XDH: variants seen among roughly 807,000 people sequenced by gnomAD.
The protein encoded by XDH is xanthine dehydrogenase/oxidase.
A neutral mutation model predicts 156.1 loss-of-function variants in XDH; 138 were observed. The ratio of observed to expected loss-of-function variants is 0.88; its 90% CI spans 0.77 to 1.02. The LOEUF is 1.02. Among genes scored for constraint, XDH ranks in the 50% least tolerant of loss-of-function variants. The pLI is 0.00. For missense variants in XDH, 1,849 were observed against 1,684.9 expected, an observed-to-expected ratio of 1.10 and a Z score of -1.71; for synonymous variants, 669 against 625.7, an observed-to-expected ratio of 1.07 and a Z score of -1.03.
At position 31,349,817 on chromosome 2, in the gene XDH, G is replaced by T. The variant is rs1558679661; in HGVS notation, c.2838C>A (p.Asn946Lys). Reference protein sequence around the residue: ...GMPAEEVRRKNLYKEGDLTHF... With the variant: ...GMPAEEVRRKKLYKEGDLTHF... ...GTGTCAGGTCCCCTTCTTTGTACAG[G>T]TTTTTTCTCCGCACCTTCCCAAGGA... Residue 946 changes from asparagine (N) to lysine (K), a missense_variant, in exon 26 of 36, where the codon AAC (asparagine) becomes AAA (lysine). By Grantham distance (94) the Asn-to-Lys change is moderately conservative. Coordinates refer to ENST00000379416, the MANE Select transcript of XDH (RefSeq NM_000379.4). The T allele has an allele frequency of 6.2e-7, 1 of 1,614,042 alleles. No individual in the cohort carries two copies. Among genetic ancestry groups the T allele is most frequent in the South Asian group, 1.1e-5 (1 of 91,072 alleles).
chr2:31,393,941 CTTGT>C (rs1431767096), intron 6 of XDH, among the ~76,000 whole-genome samples: 1 of 151,788 alleles, frequency 6.6e-6, no homozygotes, highest in Non-Finnish European at 1.5e-5. Flanking sequence ...ATTTTTCCCT[CTTGT>C]TTATTTTATC....
At position 31,350,076 on chromosome 2, in the gene XDH, A is replaced by G. The variant is rs1428337986; in HGVS notation, c.2779T>C (p.Trp927Arg). The change falls in exon 25 of 36, where the codon TGG becomes CGG. Residue 927 changes from tryptophan (W) to arginine (R), a missense_variant. Coordinates refer to ENST00000379416, the MANE Select transcript of XDH (RefSeq NM_000379.4). ...CAGGTCACTGCAACTTCACTCATCCAGCACTCGGCAATGAGCATCCCCTGG... is the reference window on the plus strand; with the variant it reads ...CAGGTCACTGCAACTTCACTCATCCGGCACTCGGCAATGAGCATCCCCTGG... ...GPQGMLIAECWMSEVAVTCGM... is the reference protein window; with the variant it reads ...GPQGMLIAECRMSEVAVTCGM... 6.2e-7 allele frequency: 1 copy of G among 1,614,210 alleles called. No individual in the cohort carries two copies. Among genetic ancestry groups the G allele is most frequent in the Non-Finnish European group, 8.5e-7 (1 of 1,180,038 alleles).
At chr2:31,392,279 T>C (rs1686787745) in intron 6 of XDH, among the ~76,000 whole-genome samples, 1 of 152,020 alleles carries the variant, frequency 6.6e-6, no homozygotes, top group African/African-American at 2.4e-5. Flanking sequence ...TCTCTATTGA[T>C]TGTCTGTTTT....
chr2:31,385,885 G>A (rs1346445768), intron 9 of XDH, among the ~76,000 whole-genome samples: 7 of 152,114 alleles, frequency 4.6e-5, no homozygotes, highest in Admixed American at 2.6e-4. Flanking sequence ...GGTCAAAAGC[G>A]ACATTTATGG....
chr2:31,351,798 A>T (rs947587544), intron 24 of XDH, among the ~76,000 whole-genome samples: 2 of 152,232 alleles, frequency 1.3e-5, no homozygotes, highest in African/African-American at 2.4e-5. Flanking sequence ...TAGGCTTTCC[A>T]GTTTTTCTCA....
intron 1 of XDH, among the ~76,000 whole-genome samples, chr2:31,411,033 C>T (rs558432973): frequency 7.2e-5 from 11 of 152,152 alleles, no homozygotes; most frequent in African/African-American, 2.2e-4. Context: ...GCCTGTAATA[C>T]CAGCACTTTG....
At chr2:31,344,143 G>A (rs1685217764) in intron 31 of XDH, among the ~76,000 whole-genome samples, 1 of 152,160 alleles carries the variant, frequency 6.6e-6, no homozygotes, top group South Asian at 2.1e-4. Flanking sequence ...AGTTGCAGAA[G>A]TCATACGCTC....
At position 31,367,896 on chromosome 2, in the gene XDH, A is replaced by G. The variant is rs1685963290; in HGVS notation, c.2197+65T>C. On this transcript the variant is annotated intron_variant, in intron 20 of 35. Coordinates refer to ENST00000379416, the MANE Select transcript of XDH (RefSeq NM_000379.4). ...TTCCCTGCTTCAGGGTTCAATGCAT[A>G]TCTCTTGAATTTAATTTGCAAACCA... 5 of 1,467,764 alleles carry G rather than the reference A, an allele frequency of 3.4e-6. No individual in the cohort carries two copies. The Admixed American group carries it at 6.7e-5, about 20-fold the overall frequency. The allele number at this position is 1,467,764 out of a possible 1,614,324, so 90.9% of individuals were successfully genotyped here. A position where few individuals can be genotyped will look rare whatever the true frequency, so the allele number is the denominator to read the frequency against.
chr2:31,373,249 G>A (rs917263032), intron 16 of XDH, among the ~76,000 whole-genome samples: 1 of 152,208 alleles, frequency 6.6e-6, no homozygotes, highest in African/African-American at 2.4e-5. Flanking sequence ...AGGCAGTCAG[G>A]TTCCAGAGTT....
At chr2:31,378,171 GAAGGAAGC>G (rs1303580528) in intron 13 of XDH, among the ~76,000 whole-genome samples, 2,203 of 81,438 alleles carry the variant, frequency 0.027, 30 homozygotes, top group Admixed American at 0.048. Flanking sequence ...AGGAAGGAAG[GAAGGAAGC>G]AAGCAAGCAA....
intron 29 of XDH, 60 bp downstream of exon 29, chr2:31,347,462 T>C (rs1685330282): frequency 5.6e-6 from 9 of 1,610,098 alleles, no homozygotes; most frequent in African/African-American, 1.3e-5. Context: ...CCAGGGAGAC[T>C]CTCCAGGCCC....
chr2:31,343,574 T>TTATATAAGGCATATATATATC (rs1685199792), intron 31 of XDH, among the ~76,000 whole-genome samples: 1 of 96,410 alleles, frequency 1.0e-5, no homozygotes, highest in Non-Finnish European at 2.2e-5. Context: ...ATATATATAT[T>TTATATAAGGCATATATATATC]CAGTGTAATA....
intron 29 of XDH, 57 bp downstream of exon 29, chr2:31,347,465 C>G (rs930804870): frequency 5.0e-6 from 8 of 1,611,282 alleles, no homozygotes; most frequent in East Asian, 2.2e-5. Flanking sequence ...GGGAGACTCT[C>G]CAGGCCCACA....
chr2:31,412,706 C>A, intron 1 of XDH, among the ~76,000 whole-genome samples: 1 of 152,144 alleles, frequency 6.6e-6, no homozygotes, highest in East Asian at 1.9e-4. Flanking sequence ...AACAAAAGGT[C>A]TAGAATATCT....
Position 31,372,346 on chromosome 2 carries a change from G to A in XDH, c.1738C>T (p.His580Tyr). The change falls in exon 17 of 36, where the codon CAC becomes TAC. Residue 580 changes from histidine (H) to tyrosine (Y), a missense_variant. Transcript: ENST00000379416. Reference sequence around the variant, plus strand: ...GAGGCCTGCATGTCCGCTGCCAGGTGGGGCAGGGGCCGGCCCACCATGTCC... The same window carrying A: ...GAGGCCTGCATGTCCGCTGCCAGGTAGGGCAGGGGCCGGCCCACCATGTCC... ...EEDMVGRPLPHLAADMQASGE... is the reference protein window; with the variant it reads ...EEDMVGRPLPYLAADMQASGE... The A allele has an allele frequency of 6.2e-7, 1 of 1,614,162 alleles. No individual in the cohort carries two copies. The highest frequency in any genetic ancestry group is 1.6e-4 in the Middle Eastern group (1 of 6,062).
At chr2:31,370,186 A>G (rs931807050) in intron 18 of XDH, among the ~76,000 whole-genome samples, 169 bp downstream of exon 18, 3 of 152,260 alleles carry the variant, frequency 2.0e-5, no homozygotes, top group South Asian at 4.1e-4. Context: ...TAAATAAACA[A>G]GTAACATATT....
In XDH at chr2:31,339,614, CG is replaced by C; in HGVS notation, c.3648del (p.Glu1217ArgfsTer75). On this transcript the variant is annotated frameshift_variant, in exon 34 of 36. Coordinates refer to ENST00000379416, the MANE Select transcript of XDH (RefSeq NM_000379.4). LOFTEE classifies it high-confidence loss of function. Reference sequence around the variant, plus strand: ...GGGCCACGGGTGTGCAGGCTCCCCTCGGGGGAATAGTGTAGCTCCTCTAGGG... The same window carrying C: ...GGGCCACGGGTGTGCAGGCTCCCCTCGGGGAATAGTGTAGCTCCTCTAGGG... ...LFTLEELHYS[P>X]EGSLHTRGPS... 1 of 1,614,058 alleles carries C rather than the reference CG, an allele frequency of 6.2e-7. No homozygotes were observed. The highest frequency in any genetic ancestry group is 8.5e-7 in the Non-Finnish European group (1 of 1,179,972).
In XDH at chr2:31,346,993, C is replaced by G. The variant is rs1259640046; in HGVS notation, c.3277-150G>C. On this transcript the variant is annotated intron_variant, in intron 29 of 35. Coordinates refer to ENST00000379416, the MANE Select transcript of XDH (RefSeq NM_000379.4). ...GCCTGGCCACCCACTCCAGAATGAT[C>G]AAGGCCCAGGGTAGAATCGACAGGA... 3.0e-6 allele frequency: 3 copies of G among 1,010,858 alleles called. No individual in the cohort carries two copies. In the African/African-American group the frequency reaches 4.8e-5, roughly 16 times the overall value. The allele number at this position is 1,010,858 out of a possible 1,614,324, so 62.6% of individuals were successfully genotyped here.
chr2:31,341,776 C>T (rs1003536180), intron 32 of XDH, among the ~76,000 whole-genome samples: 15 of 152,138 alleles, frequency 9.9e-5, no homozygotes, highest in Non-Finnish European at 1.5e-4. Context: ...CAACTTGCCC[C>T]TGTTTTCGTG....
Sources: allele counts gnomAD v4.1 joint callset (sites outside exome capture counted in the v4.1 genomes callset), GRCh38; gene constraint gnomAD v4.1.1; transcripts MANE v1.5; gene names NCBI Gene and HGNC (gene_info 2026-07-23, HGNC 2026-07-21).